Variants in ITGA3 observed in about 807,000 individuals in gnomAD.
The protein encoded by ITGA3 is integrin subunit alpha 3.
A neutral mutation model predicts 131.1 loss-of-function variants in ITGA3; 70 were observed. That is an observed-to-expected ratio of 0.53 (90% CI 0.44 to 0.65). The LOEUF (loss-of-function observed/expected upper bound fraction) is 0.65, where lower values mean the gene tolerates loss of function less well. ITGA3 is among the 30% of genes least tolerant of loss of function. The pLI is 0.00. For missense variants in ITGA3, 1,098 were observed against 1,388.6 expected (o/e 0.79, Z 3.33); for synonymous variants, 537 against 571.6 (o/e 0.94, Z 0.86).
Position 50,079,566 on chromosome 17 carries a change from C to T in ITGA3, c.2706+9C>T, listed in dbSNP as rs775337732. On this transcript the variant is annotated intron_variant, in intron 21 of 25. Coordinates refer to ENST00000320031, the MANE Select transcript of ITGA3 (RefSeq NM_002204.4). ...AGTCTGAGACTGTGCTGGTGAGTGG[C>T]CAGGGCGAGGTTGGAGGGGATTGCA... The T allele has an allele frequency of 2.0e-6, 3 of 1,516,510 alleles. No individual in the cohort carries two copies. The highest frequency in any genetic ancestry group is 1.3e-5 in the South Asian group (1 of 75,346). 93.9% of individuals were successfully genotyped at this position (1,516,510 alleles called of 1,614,324 possible).
At chr17:50,060,661 G>A (rs1044355845) in intron 1 of ITGA3, among the ~76,000 whole-genome samples, 1 of 152,104 alleles carries the variant, frequency 6.6e-6, no homozygotes, top group Non-Finnish European at 1.5e-5. Flanking sequence ...CATCTGGGGG[G>A]CTGGGGGTCT....
intron 10 of ITGA3, 53 bp downstream of exon 10, chr17:50,074,587 G>A (rs2144289706): frequency 1.5e-6 from 2 of 1,310,026 alleles, no homozygotes; most frequent in South Asian, 1.2e-5. Context: ...AGGCTAGGAG[G>A]GGCTGCAGCT....
intron 1 of ITGA3, among the ~76,000 whole-genome samples, chr17:50,059,542 C>T (rs947751505): frequency 1.3e-5 from 2 of 152,148 alleles, no homozygotes; most frequent in South Asian, 2.1e-4. Context: ...CTTCAAGGTT[C>T]GTGCCAGCAG....
At chr17:50,087,675 A>G in intron 23 of ITGA3, 69 bp from the exon 24 acceptor site, 1 of 1,517,266 alleles carries the variant, frequency 6.6e-7, no homozygotes, top group Non-Finnish European at 9.0e-7. Flanking sequence ...GGGCCCAGCT[A>G]GGATAGGAAG....
intron 22 of ITGA3, 30 bp downstream of exon 22, chr17:50,080,405 A>G: frequency 7.2e-7 from 1 of 1,387,620 alleles, no homozygotes; most frequent in South Asian, 1.2e-5. Flanking sequence ...GGTCTCTCCT[A>G]CCATCCACCC....
Position 50,056,707 on chromosome 17 carries a change from C to G in ITGA3, c.206+62C>G. 1.3e-6 allele frequency: 2 copies of G among 1,506,526 alleles called. No homozygotes were observed. Among genetic ancestry groups the G allele is most frequent in the Non-Finnish European group, 1.8e-6 (2 of 1,114,064 alleles). 93.3% of individuals were successfully genotyped at this position (1,506,526 alleles called of 1,614,324 possible). On this transcript the variant is annotated intron_variant, in intron 1 of 25. Coordinates refer to ENST00000320031, the MANE Select transcript of ITGA3 (RefSeq NM_002204.4). The surrounding 1 kb of genome is among the most constrained non-coding windows in gnomAD (Gnocchi z 5.6). ...GAGTGTGCGAGCGCGGGATGCGGGT[C>G]CGGAGCTGAGTCGGAGCCCAGGGCA... is the stretch of plus-strand genomic sequence containing the variant.
Position 50,064,807 on chromosome 17 carries a change from AC to A in ITGA3, c.414+205del. 1 of 523,426 alleles carries A rather than the reference AC, an allele frequency of 1.9e-6. No homozygotes were observed. Among genetic ancestry groups the A allele is most frequent in the South Asian group, 2.6e-5 (1 of 38,994 alleles). 32.4% of individuals were successfully genotyped at this position (523,426 alleles called of 1,614,324 possible). ...GGGTGAGTATCCTGTGCTCTCCCAA[AC>A]CCCCGCACGGCCTGAGTTCTCTGAC... On this transcript the variant is annotated intron_variant, in intron 3 of 25. Coordinates refer to ENST00000320031, the MANE Select transcript of ITGA3 (RefSeq NM_002204.4). The surrounding 1 kb of genome is among the most constrained non-coding windows in gnomAD (Gnocchi z 4.4).
Position 50,072,195 on chromosome 17 carries a change from A to T in ITGA3, c.1156+13A>T, listed in dbSNP as rs1174424724. On this transcript the variant is annotated intron_variant, in intron 7 of 25. Transcript: ENST00000320031. ...GATGGATTTCAGGGTATGAGCCAGC[A>T]CTCCTCCCCCAGCACCCCTCCTCCA... 1 of 1,604,336 alleles carries T rather than the reference A, an allele frequency of 6.2e-7. No homozygotes were observed. Among genetic ancestry groups the T allele is most frequent in the Non-Finnish European group, 8.5e-7 (1 of 1,174,914 alleles).
At chr17:50,071,913 A>G (rs1289046973) in intron 6 of ITGA3, 73 bp from the exon 7 acceptor site, 3 of 1,369,522 alleles carry the variant, frequency 2.2e-6, no homozygotes, top group Non-Finnish European at 3.0e-6. Flanking sequence ...GCACAGTCAC[A>G]CCTGTCAAAC....
chr17:50,063,934 C>G lies in ITGA3; in HGVS notation c.207-143C>G, dbSNP rs1908204819. 3.4e-6 allele frequency: 4 copies of G among 1,170,814 alleles called. No individual in the cohort carries two copies. In the Admixed American group the frequency reaches 6.9e-5, roughly 20 times the overall value. 72.5% of individuals were successfully genotyped at this position (1,170,814 alleles called of 1,614,324 possible). On this transcript the variant is annotated intron_variant, in intron 1 of 25. Coordinates refer to ENST00000320031, the MANE Select transcript of ITGA3 (RefSeq NM_002204.4). ...TGTCTTTTTTCCTTGCCTGCCTTAC[C>G]CTACACTGGGCACTTCTGGAGGGCA...
Position 50,076,589 on chromosome 17 carries a change from G to A in ITGA3, c.1830G>A (p.Gln610=), listed in dbSNP as rs1287271194. Residue 610 remains glutamine (Q), a synonymous_variant, in exon 14 of 26, where the codon CAG becomes CAA. Coordinates refer to ENST00000320031, the MANE Select transcript of ITGA3 (RefSeq NM_002204.4). Reference sequence around the variant, plus strand: ...CACCTCCGGCCACCCCCCAGGTCCAGTTCCAGAAGGAGTGCGGGCCTGACA... The same window carrying A: ...CACCTCCGGCCACCCCCCAGGTCCAATTCCAGAAGGAGTGCGGGCCTGACA... ...AQALENHTEV[Q]FQKECGPDNK... 5 of 1,613,104 alleles carry A rather than the reference G, an allele frequency of 3.1e-6. No homozygotes were observed. Among genetic ancestry groups the A allele is most frequent in the Non-Finnish European group, 4.2e-6 (5 of 1,179,916 alleles).
rs1440972486 is a variant in ITGA3 at position 50,088,186 on chromosome 17, C to T, written c.3046-39C>T. On this transcript the variant is annotated intron_variant, in intron 24 of 25. Coordinates refer to ENST00000320031, the MANE Select transcript of ITGA3 (RefSeq NM_002204.4). ...TGCTGCTGGTGAGGATAGCCCAGCG[C>T]CCCCCTGATGGCCCGTCCCCACCTC... 3 of 1,539,392 alleles carry T rather than the reference C, an allele frequency of 1.9e-6. No homozygotes were observed. The Admixed American group carries it at 6.0e-5, about 31-fold the overall frequency.
In ITGA3 at chr17:50,064,048, C is replaced by A; in HGVS notation, c.207-29C>A. 1.2e-6 allele frequency: 2 copies of A among 1,609,850 alleles called. No individual in the cohort carries two copies. Among genetic ancestry groups the A allele is most frequent in the Non-Finnish European group, 1.7e-6 (2 of 1,178,524 alleles). ...CCAAGTGGGGCTTGGGGAGTCTGAA[C>A]CCGGACCCACCTCCGTCCCTATCCC... On this transcript the variant is annotated intron_variant, in intron 1 of 25. Transcript: ENST00000320031. The surrounding 1 kb of genome is among the most constrained non-coding windows in gnomAD (Gnocchi z 4.4).
Position 50,074,490 on chromosome 17 carries a change from C to A in ITGA3, c.1425C>A (p.Pro475=). 6.2e-7 allele frequency: 1 copy of A among 1,614,116 alleles called. No individual in the cohort carries two copies. The highest frequency in any genetic ancestry group is 8.5e-7 in the Non-Finnish European group (1 of 1,180,024). ...VINIVHKTLV[P]RPAVLDPALC... is the part of the protein sequence containing the mutation. ...ACATCGTCCACAAGACCTTGGTGCC[C>A]AGGCCAGCTGTGCTGGACCCTGCAC... The change falls in exon 10 of 26, where the codon CCC becomes CCA. Residue 475 remains proline, a synonymous_variant. Transcript: ENST00000320031.
At chr17:50,076,823 G>C in intron 14 of ITGA3, 142 bp downstream of exon 14, 1 of 1,171,904 alleles carries the variant, frequency 8.5e-7, no homozygotes, top group Non-Finnish European at 1.2e-6. Context: ...TCAGAAACGG[G>C]GCTTTCTCCT....
At chr17:50,062,749 G>A (rs1303752594) in intron 1 of ITGA3, among the ~76,000 whole-genome samples, 5 of 152,260 alleles carry the variant, frequency 3.3e-5, no homozygotes, top group South Asian at 2.1e-4. Context: ...AGCTACAGGC[G>A]TGGCTGTTGC....
intron 25 of ITGA3, among the ~76,000 whole-genome samples, 193 bp downstream of exon 25, chr17:50,088,559 C>G (rs1334098080): frequency 2.0e-5 from 3 of 152,232 alleles, no homozygotes; most frequent in Non-Finnish European, 4.4e-5. Flanking sequence ...TCCCCCTAAG[C>G]CCCTTGGTGA....
chr17:50,074,828 C>A (rs754817991), intron 10 of ITGA3, among the ~76,000 whole-genome samples: 1 of 152,064 alleles, frequency 6.6e-6, no homozygotes, highest in East Asian at 1.9e-4. Context: ...GAAAGGGGGA[C>A]GCATTTAAGT....
At position 50,089,542 on chromosome 17, in the gene ITGA3, C is replaced by T. The variant is rs367903198; in HGVS notation, c.*464C>T. Reference sequence around the variant, plus strand: ...GCTCGTGGACTGTGCTGGTGCATCACGGATGGTGCATGGGCTCGCCGTGTC... The same window carrying T: ...GCTCGTGGACTGTGCTGGTGCATCATGGATGGTGCATGGGCTCGCCGTGTC... On this transcript the variant is annotated 3_prime_UTR_variant, in exon 26 of 26. Transcript: ENST00000320031. The T allele has an allele frequency of 4.4e-5, 20 of 458,122 alleles. No homozygotes were observed. Among genetic ancestry groups the T allele is most frequent in the Middle Eastern group, 5.9e-4 (1 of 1,702 alleles). 28.4% of individuals were successfully genotyped at this position (458,122 alleles called of 1,614,324 possible).
Sources: allele counts gnomAD v4.1 joint callset (sites outside exome capture counted in the v4.1 genomes callset), GRCh38; gene constraint gnomAD v4.1.1; non-coding constraint Gnocchi (gnomAD v3.1); transcripts MANE v1.5; gene names NCBI Gene and HGNC (gene_info 2026-07-23, HGNC 2026-07-21).